Variants in GRAMD2B observed in about 807,000 individuals in gnomAD.
GRAMD2B encodes GRAM domain-containing protein 2B.
Under a neutral mutation model 59.2 loss-of-function variants are expected in GRAMD2B, and 41 were observed. That is an observed-to-expected ratio of 0.69 (90% confidence interval 0.54 to 0.90). The LOEUF is 0.90. GRAMD2B is among the 40% of genes least tolerant of loss of function. GRAMD2B has a pLI of 0.00. For synonymous variants in GRAMD2B, 161 were observed against 182.7 expected (o/e 0.88, Z 0.96); for missense variants, 424 against 500.5 (o/e 0.85, Z 1.46).
chr5:126,404,930 C>T (rs1340334226), intron 1 of GRAMD2B, among the ~76,000 whole-genome samples: 1 of 151,866 alleles, frequency 6.6e-6, no homozygotes, highest in African/African-American at 2.4e-5. Context: ...AAAGACTCTC[C>T]ATATTTTAAT....
upstream of GRAMD2B, among the ~76,000 whole-genome samples, chr5:126,368,852 G>A (rs1028113349): frequency 6.6e-6 from 1 of 152,170 alleles, no homozygotes. Flanking sequence ...AAATTGCTGC[G>A]TAACTGAAAT....
chr5:126,457,091 C>T (rs12515603), intron 1 of GRAMD2B, among the ~76,000 whole-genome samples: 1 of 149,388 alleles, frequency 6.7e-6, no homozygotes, highest in African/African-American at 2.5e-5. Context: ...ACTCGGGAGG[C>T]TGAGGCGAGA....
intron 1 of GRAMD2B, among the ~76,000 whole-genome samples, chr5:126,406,099 A>C (rs1482938350): frequency 6.6e-6 from 1 of 151,988 alleles, no homozygotes; most frequent in Admixed American, 6.6e-5. Flanking sequence ...ATAGAGACAA[A>C]GATCATATTC....
Position 126,395,006 on chromosome 5 carries a change from G to A in GRAMD2B, c.125+23439G>A, listed in dbSNP as rs549215583. ...GTCTCCAAAGTATATTAATGAAGAA[G>A]ACTCAAAACCATTCTCTTAAAGTGA... is the stretch of plus-strand genomic sequence containing the variant. On this transcript the variant is annotated intron_variant, in intron 1 of 8. Transcript: ENST00000506445. Among the ~76,000 whole-genome samples, 39 of 149,726 alleles carry A rather than the reference G, an allele frequency of 2.6e-4. No homozygotes were observed. The Middle Eastern group carries it at 0.021, about 79-fold the overall frequency.
At chr5:126,422,551 T>C (rs1278628700), upstream of GRAMD2B, among the ~76,000 whole-genome samples, 3 of 152,300 alleles carry the variant, frequency 2.0e-5, no homozygotes, top group South Asian at 4.1e-4. Flanking sequence ...TTAGTATATT[T>C]TATGTGTGGC....
At chr5:126,449,561 C>T (rs536611195) in intron 1 of GRAMD2B, among the ~76,000 whole-genome samples, 3 of 152,274 alleles carry the variant, frequency 2.0e-5, no homozygotes, top group Admixed American at 6.5e-5. Context: ...TTTTTCCTTA[C>T]GTATGTCTAA....
chr5:126,472,356 A>G (rs757152939), intron 4 of GRAMD2B, 52 bp downstream of exon 4: 6 of 1,475,522 alleles, frequency 4.1e-6, no homozygotes, highest in South Asian at 3.4e-5. Flanking sequence ...AAAGTTGATC[A>G]TTAGTTTTGG....
chr5:126,438,577 G>A (rs181088773), intron 1 of GRAMD2B, among the ~76,000 whole-genome samples: 1 of 152,148 alleles, frequency 6.6e-6, no homozygotes, highest in South Asian at 2.1e-4. Context: ...TTCATCAGGG[G>A]CTTGAGGAAC....
At chr5:126,429,375 A>T (rs1229814602) in intron 1 of GRAMD2B, among the ~76,000 whole-genome samples, 1 of 152,046 alleles carries the variant, frequency 6.6e-6, no homozygotes, top group Non-Finnish European at 1.5e-5. Flanking sequence ...ACACACTGGG[A>T]TCTATTGGAG....
At chr5:126,400,503 A>G (rs1302988501) in intron 1 of GRAMD2B, among the ~76,000 whole-genome samples, 2 of 138,352 alleles carry the variant, frequency 1.4e-5, no homozygotes, top group Non-Finnish European at 3.2e-5. Flanking sequence ...ACTGCCAATC[A>G]CAAGATTAGA....
chr5:126,394,475 G>A (rs1757179535), intron 1 of GRAMD2B, among the ~76,000 whole-genome samples: 1 of 152,150 alleles, frequency 6.6e-6, no homozygotes, highest in Non-Finnish European at 1.5e-5. Flanking sequence ...TTGTAAAAAA[G>A]AACTCTGAGG....
chr5:126,483,202 C>T (rs886901244), intron 8 of GRAMD2B, among the ~76,000 whole-genome samples: 1 of 152,200 alleles, frequency 6.6e-6, no homozygotes, highest in African/African-American at 2.4e-5. Context: ...CAATTATTGG[C>T]ATTCTGGGTG....
rs527851569 is a variant in GRAMD2B at position 126,436,498 on chromosome 5, A to G, written c.83+12809A>G. 2.0e-5 allele frequency among the ~76,000 whole-genome samples: 3 copies of G among 152,254 alleles called. No individual in the cohort carries two copies. In the East Asian group the frequency reaches 5.8e-4, roughly 29 times the overall value. On this transcript the variant is annotated intron_variant, in intron 1 of 13. Coordinates refer to ENST00000285689, the MANE Select transcript of GRAMD2B (RefSeq NM_023927.4). ...ACCCTGCCTCTACCACAAATAATATAGAAATTAGACGGGTGCAGTGGTACA... is the reference window on the plus strand; with the variant it reads ...ACCCTGCCTCTACCACAAATAATATGGAAATTAGACGGGTGCAGTGGTACA...
At position 126,413,001 on chromosome 5, in the gene GRAMD2B, T is replaced by A. The variant is rs57176507; in HGVS notation, c.125+41434T>A. ...TGCTTATTTAGATCTTCTCTCTTTT[T>A]TCTTTATTAATCTAGCTAGCAGTTT... On this transcript the variant is annotated intron_variant, in intron 1 of 8. Coordinates refer to the GRAMD2B transcript ENST00000506445. Among the ~76,000 whole-genome samples, 679 of 152,218 alleles carry A rather than the reference T, an allele frequency of 4.5e-3. 15 individuals are homozygous for A. The East Asian group carries it at 0.06, about 13-fold the overall frequency.
chr5:126,401,030 C>A (rs1580801084), intron 1 of GRAMD2B, among the ~76,000 whole-genome samples: 1 of 152,200 alleles, frequency 6.6e-6, no homozygotes, highest in South Asian at 2.1e-4. Context: ...AAGCTTTCTT[C>A]CCATTTCTCT....
intron 1 of GRAMD2B, among the ~76,000 whole-genome samples, chr5:126,415,117 G>C (rs550241037): frequency 6.6e-6 from 1 of 152,256 alleles, no homozygotes; most frequent in East Asian, 1.9e-4. Flanking sequence ...CAGTTCTCCT[G>C]ACTTCCAGCC....
Position 126,486,912 on chromosome 5 carries a change from C to G in GRAMD2B, c.1098C>G (p.Tyr366Ter). 6.2e-7 allele frequency: 1 copy of G among 1,612,438 alleles called. No homozygotes were observed. The highest frequency in any genetic ancestry group is 8.5e-7 in the Non-Finnish European group (1 of 1,178,754). Reference protein sequence around the residue: ...ALIISTFYMRYRINTLEEQLG... With the variant: ...ALIISTFYMR ...TCATCTCGACCTTCTACATGAGATACAGAATTAATACTCTGGAGGAGCAGC... is the reference window on the plus strand; with the variant it reads ...TCATCTCGACCTTCTACATGAGATAGAGAATTAATACTCTGGAGGAGCAGC... Residue 366 changes from tyrosine to a stop codon, truncating the protein, a stop_gained, in exon 12 of 14, where the codon TAC becomes TAG. Transcript: ENST00000285689. LOFTEE classifies it high-confidence loss of function.
At chr5:126,480,756 C>A in intron 8 of GRAMD2B, 49 bp downstream of exon 8, 1 of 1,484,514 alleles carries the variant, frequency 6.7e-7, no homozygotes, top group Non-Finnish European at 9.4e-7. Context: ...GGAATATGTC[C>A]CACAATTACA....
At chr5:126,491,281 A>ATGAGGAAGAAACAAAGCAAGAAAGT in intron 13 of GRAMD2B, among the ~76,000 whole-genome samples, 1 of 152,274 alleles carries the variant, frequency 6.6e-6, no homozygotes, top group East Asian at 1.9e-4. Context: ...TGAGGGATAC[A>ATGAGGAAGAAACAAAGCAAGAAAGT]TGAGGAAGAA....
Sources: gnomAD v4.1 joint callset for allele counts (sites outside exome capture counted in the v4.1 genomes callset) on GRCh38, gnomAD v4.1.1 for gene constraint, MANE v1.5 for transcripts, NCBI Gene and HGNC (gene_info 2026-07-23, HGNC 2026-07-21) for gene names.